Variants in CTCF observed in about 807,000 individuals in gnomAD.
The protein encoded by CTCF is transcriptional repressor CTCF.
Under a neutral mutation model 72.3 loss-of-function variants are expected in CTCF, and 7 were observed. The ratio of observed to expected loss-of-function variants is 0.10; its 90% confidence interval spans 0.06 to 0.18. The LOEUF (loss-of-function observed/expected upper bound fraction) is 0.18, where lower values mean the gene tolerates loss of function less well. CTCF is among the 10% of genes least tolerant of loss of function. The pLI is 1.00. For synonymous variants in CTCF, 374 were observed against 315.8 expected (o/e 1.18, Z -1.95); for missense variants, 516 against 949.1 (o/e 0.54, Z 6.00).
In CTCF at chr16:67,638,139, T is replaced by G; in HGVS notation, c.*267T>G. On this transcript the variant is annotated 3_prime_UTR_variant, in exon 12 of 12. Coordinates refer to ENST00000264010, the MANE Select transcript of CTCF (RefSeq NM_006565.4). ...GACAGTGTTGACAACTAACTCGTTT[T>G]CCTAGATGGAAACGGAGACATTGAC... 2.6e-6 allele frequency: 1 copy of G among 380,562 alleles called. No homozygotes were observed. 23.6% of individuals were successfully genotyped at this position (380,562 alleles called of 1,614,324 possible).
chr16:67,595,256 C>A (rs532460690), intron 2 of CTCF, among the ~76,000 whole-genome samples: 4 of 152,090 alleles, frequency 2.6e-5, no homozygotes, highest in Non-Finnish European at 5.9e-5. Context: ...CTTCTGGGCC[C>A]AAGCCATCCT....
At chr16:67,614,343 T>C (rs1420935728) in intron 4 of CTCF, 1 of 114,404 alleles carries the variant, frequency 8.7e-6, no homozygotes, top group Non-Finnish European at 1.7e-5. Context: ...TGAGACTCCA[T>C]CTCAAAAAAA....
At chr16:67,606,306 A>G (rs1185778884) in intron 2 of CTCF, among the ~76,000 whole-genome samples, 1 of 152,208 alleles carries the variant, frequency 6.6e-6, no homozygotes, top group African/African-American at 2.4e-5. Context: ...CTCTGCCTTT[A>G]AATGTCCTGC....
chr16:67,597,580 A>C (rs1019675442), intron 2 of CTCF, among the ~76,000 whole-genome samples: 5 of 151,382 alleles, frequency 3.3e-5, no homozygotes, highest in African/African-American at 1.2e-4. Context: ...CTTATTATCC[A>C]CCCGCCTTGG....
chr16:67,579,677 G>A (rs1204430789), intron 2 of CTCF, among the ~76,000 whole-genome samples: 1 of 152,162 alleles, frequency 6.6e-6, no homozygotes, highest in Non-Finnish European at 1.5e-5. Flanking sequence ...ACAGGTATGA[G>A]CCACCACGCC....
rs141052800 is a variant in CTCF at position 67,594,517 on chromosome 16, A to C, written c.-9-16307A>C. On this transcript the variant is annotated intron_variant, in intron 2 of 11. Transcript: ENST00000264010. ...GGGGTTCGAGAACAGCCTGGGCAACATAATGAAACTTTGTCTTTCAAAGTT... is the reference window on the plus strand; with the variant it reads ...GGGGTTCGAGAACAGCCTGGGCAACCTAATGAAACTTTGTCTTTCAAAGTT... Among the ~76,000 whole-genome samples, 617 of 152,286 alleles carry C rather than the reference A, an allele frequency of 4.1e-3. 17 individuals carry two copies. The highest frequency in any genetic ancestry group is 0.035 in the Admixed American group (534 of 15,288).
At chr16:67,637,087 G>A (rs1275296943) in intron 11 of CTCF, among the ~76,000 whole-genome samples, 2 of 152,198 alleles carry the variant, frequency 1.3e-5, no homozygotes, top group Non-Finnish European at 2.9e-5. Flanking sequence ...GGGTACTTGT[G>A]TTCTGCAAGA....
At chr16:67,634,165 A>C (rs1221880289) in intron 10 of CTCF, among the ~76,000 whole-genome samples, 1 of 152,050 alleles carries the variant, frequency 6.6e-6, no homozygotes, top group Non-Finnish European at 1.5e-5. Flanking sequence ...AGCATTTTTA[A>C]ATGGGCTTTT....
At chr16:67,605,022 G>C (rs2051955797) in intron 2 of CTCF, among the ~76,000 whole-genome samples, 1 of 133,992 alleles carries the variant, frequency 7.5e-6, no homozygotes, top group African/African-American at 3.1e-5. Context: ...TCCCAGGCTG[G>C]AGTGCAGTGG....
Position 67,611,370 on chromosome 16 carries a change from C to G in CTCF, c.538C>G (p.Gln180Glu). ...CAATGGAGAGGTGGAGACACTAGAACAAGGGGAACTTCCACCCCAGGAAGA... is the reference window on the plus strand; with the variant it reads ...CAATGGAGAGGTGGAGACACTAGAAGAAGGGGAACTTCCACCCCAGGAAGA... ...GANGEVETLE[Q>E]GELPPQEDPS... The change falls in exon 3 of 12, where the codon CAA (glutamine) becomes GAA (glutamate). Residue 180 changes from glutamine (Q) to glutamate (E), a missense_variant. Coordinates refer to ENST00000264010, the MANE Select transcript of CTCF (RefSeq NM_006565.4). 1 of 1,614,080 alleles carries G rather than the reference C, an allele frequency of 6.2e-7. No homozygotes were observed. Among genetic ancestry groups the G allele is most frequent in the Non-Finnish European group, 8.5e-7 (1 of 1,179,984 alleles).
intron 2 of CTCF, among the ~76,000 whole-genome samples, chr16:67,609,645 A>G (rs1037622471): frequency 3.0e-5 from 4 of 131,566 alleles, no homozygotes; most frequent in African/African-American, 8.7e-5. Context: ...TTTTTTTGAG[A>G]TGGAATCTCG....
intron 1 of CTCF, among the ~76,000 whole-genome samples, chr16:67,568,833 A>C (rs1312061101): frequency 6.7e-6 from 1 of 149,232 alleles, no homozygotes; most frequent in Non-Finnish European, 1.5e-5. Flanking sequence ...TGGCTATATT[A>C]TTTGGAAACT....
At position 67,573,384 on chromosome 16, in the gene CTCF, A is replaced by G. The variant is rs185146860; in HGVS notation, c.-10+2120A>G. ...CAGGCAGAGGTTGCAGTGAGCCAAG[A>G]TCACACCACTGCACTCCAGACTGGG... On this transcript the variant is annotated intron_variant, in intron 2 of 11. Coordinates refer to ENST00000264010, the MANE Select transcript of CTCF (RefSeq NM_006565.4). Among the ~76,000 whole-genome samples, 449 of 152,214 alleles carry G rather than the reference A, an allele frequency of 2.9e-3. 3 individuals carry two copies. Among genetic ancestry groups the G allele is most frequent in the African/African-American group, 0.01 (417 of 41,536 alleles).
At chr16:67,597,560 A>G (rs2051831464) in intron 2 of CTCF, among the ~76,000 whole-genome samples, 1 of 151,906 alleles carries the variant, frequency 6.6e-6, no homozygotes, top group Non-Finnish European at 1.5e-5. Context: ...GCTGGTCTTG[A>G]ACTCCTGACC....
At chr16:67,578,185 C>A (rs1165503767) in intron 2 of CTCF, among the ~76,000 whole-genome samples, 1 of 152,088 alleles carries the variant, frequency 6.6e-6, no homozygotes, top group African/African-American at 2.4e-5. Flanking sequence ...TCAAACAGTG[C>A]AAAATGTTAA....
chr16:67,562,921 ACGCC>A (rs529970183), intron 1 of CTCF, among the ~76,000 whole-genome samples, 197 bp downstream of exon 1: 16,634 of 41,528 alleles, frequency 0.4, 1,814 homozygotes, highest in African/African-American at 0.53. Context: ...CCCCACCCCC[ACGCC>A]CGCCCGCCCG....
chr16:67,599,818 G>GT (rs925936626), intron 2 of CTCF, among the ~76,000 whole-genome samples: 3 of 152,156 alleles, frequency 2.0e-5, no homozygotes, highest in African/African-American at 7.2e-5. Context: ...TGGAGTTTCT[G>GT]TTTATTCCCT....
chr16:67,627,922 C>CA (rs966649326), intron 8 of CTCF: 1,207 of 44,964 alleles, frequency 0.027, 25 homozygotes, highest in African/African-American at 0.06. Flanking sequence ...GACTCCATCT[C>CA]AAAAAAAAAA....
rs1567608758 is a variant in CTCF, at chr16:67,611,437, A to G, written c.605A>G (p.Lys202Arg). 1 of 1,614,216 alleles carries G rather than the reference A, an allele frequency of 6.2e-7. No homozygotes were observed. ...QKDPDYQPPA[K>R]KTKKTKKSKL... is the part of the protein sequence containing the mutation. The stretch of plus-strand genomic sequence containing the variant: ...GACCCAGACTATCAGCCACCAGCCA[A>G]AAAAACAAAGAAAACCAAAAAGAGC... Residue 202 changes from lysine to arginine, a missense_variant, in exon 3 of 12, where the codon AAA becomes AGA. Transcript: ENST00000264010.
Sources: gnomAD v4.1 joint callset for allele counts (sites outside exome capture counted in the v4.1 genomes callset) on GRCh38, gnomAD v4.1.1 for gene constraint, MANE v1.5 for transcripts, NCBI Gene and HGNC (gene_info 2026-07-23, HGNC 2026-07-21) for gene names.